Variants in C8orf58 observed in about 807,000 individuals in gnomAD.
The protein encoded by C8orf58 is chromosome 8 open reading frame 58, also known as uncharacterized protein C8orf58.
A neutral mutation model predicts 36.8 loss-of-function variants in C8orf58; 31 were observed. The ratio of observed to expected loss-of-function variants is 0.84; its 90% CI spans 0.63 to 1.14. The LOEUF (loss-of-function observed/expected upper bound fraction) is 1.14, where lower values mean the gene tolerates loss of function less well. Ranked by LOEUF, C8orf58 falls within the 50% of genes most tolerant of loss-of-function variation. The pLI is 0.00. For synonymous variants in C8orf58, 230 were observed against 200.2 expected (o/e 1.15, Z -1.26); for missense variants, 538 against 480.8 (o/e 1.12, Z -1.11).
In C8orf58 at chr8:22,601,146, C is replaced by T. The variant is rs769941496; in HGVS notation, c.305C>T (p.Pro102Leu). 1 of 1,611,032 alleles carries T rather than the reference C, an allele frequency of 6.2e-7. No individual in the cohort carries two copies. Among genetic ancestry groups the T allele is most frequent in the South Asian group, 1.1e-5 (1 of 90,966 alleles). The change falls in exon 2 of 7, where the codon CCC becomes CTC. Residue 102 changes from proline (P) to leucine (L), a missense_variant. Coordinates refer to ENST00000289989, the MANE Select transcript of C8orf58 (RefSeq NM_001013842.3). ...GAATCCTCAGGGAGTTCTGAGCCCC[C>T]CGCCCAGGTAGGCCGACTCCTGGCC... Reference protein sequence around the residue: ...DFESSGSSEPPAQVGRLLASQ... With the variant: ...DFESSGSSEPLAQVGRLLASQ...
chr8:22,600,887 G>C lies in C8orf58; in HGVS notation c.46G>C (p.Ala16Pro). The change falls in exon 2 of 7, where the codon GCT (alanine) becomes CCT (proline). Residue 16 changes from alanine to proline, a missense_variant. By Grantham distance (27) the Ala-to-Pro change is conservative. Coordinates refer to ENST00000289989, the MANE Select transcript of C8orf58 (RefSeq NM_001013842.3). ...RAFAVDGRDG[A>P]GEGLARGCIV... Reference sequence around the variant, plus strand: ...GACGCTGACTCTCCATGCAGATGGGGCTGGCGAGGGCCTGGCACGGGGCTG... The same window carrying C: ...GACGCTGACTCTCCATGCAGATGGGCCTGGCGAGGGCCTGGCACGGGGCTG... 6.2e-7 allele frequency: 1 copy of C among 1,600,012 alleles called. No homozygotes were observed. The highest frequency in any genetic ancestry group is 8.5e-7 in the Non-Finnish European group (1 of 1,174,454).
rs1193048586 is a variant in C8orf58 at position 22,600,984 on chromosome 8, G to A, written c.143G>A (p.Arg48Lys). ...DAAHGCSSWE[R>K]GDKFRGVGRE... The stretch of plus-strand genomic sequence containing the variant: ...GCCCACGGGTGCTCATCCTGGGAGA[G>A]AGGTGACAAGTTCAGAGGTGTCGGC... Residue 48 changes from arginine (R) to lysine (K), a missense_variant, in exon 2 of 7, where the codon AGA (arginine) becomes AAA (lysine). Transcript: ENST00000289989. 2 of 1,612,790 alleles carry A rather than the reference G, an allele frequency of 1.2e-6. No homozygotes were observed. The highest frequency in any genetic ancestry group is 1.1e-5 in the South Asian group (1 of 91,074).
In C8orf58 at chr8:22,600,952, CGA is replaced by C. The variant is rs1305991483; in HGVS notation, c.112_113del (p.Asp38ArgfsTer12). 17 of 1,612,356 alleles carry C rather than the reference CGA, an allele frequency of 1.1e-5. No individual in the cohort carries two copies. Among genetic ancestry groups the C allele is most frequent in the Non-Finnish European group, 1.4e-5 (17 of 1,179,984 alleles). On this transcript the variant is annotated frameshift_variant, in exon 2 of 7. Coordinates refer to ENST00000289989, the MANE Select transcript of C8orf58 (RefSeq NM_001013842.3). LOFTEE classifies it high-confidence loss of function. ...TCACCAGCACCTACAGACGGATCCC[CGA>C]CGCTGCCCACGGGTGCTCATCCTGG... Reference protein sequence around the residue: ...GVTSTYRRIPDAAHGCSSWER... With the variant: ...GVTSTYRRIPXAAHGCSSWER...
At chr8:22,601,659 T>C in intron 2 of C8orf58, 53 bp from the exon 3 acceptor site, 2 of 1,547,010 alleles carry the variant, frequency 1.3e-6, no homozygotes, top group Non-Finnish European at 1.7e-6. Context: ...CTGCTTAGGG[T>C]AGGGCAGGAG....
At chr8:22,602,695 C>A in intron 6 of C8orf58, 52 bp downstream of exon 6, 2 of 1,155,838 alleles carry the variant, frequency 1.7e-6, no homozygotes, top group Non-Finnish European at 1.2e-6. Context: ...ACTGATAAGC[C>A]AGGATGCTGA....
At position 22,601,279 on chromosome 8, in the gene C8orf58, T is replaced by C. The variant is rs113046479; in HGVS notation, c.438T>C (p.Arg146=). ...RSLRLASKPE[R]EVPLGAGQQE... ...TGCGGCTGGCAAGCAAGCCTGAGCG[T>C]GAAGTGCCCCTTGGAGCAGGGCAAC... Residue 146 remains arginine, a synonymous_variant, in exon 2 of 7, where the codon CGT becomes CGC. Coordinates refer to ENST00000289989, the MANE Select transcript of C8orf58 (RefSeq NM_001013842.3). The C allele has an allele frequency of 1.6e-3, 2,577 of 1,609,638 alleles. 36 individuals carry two copies. The African/African-American group carries it at 0.031, about 19-fold the overall frequency.
At position 22,601,287 on chromosome 8, in the gene C8orf58, C is replaced by T; in HGVS notation, c.446C>T (p.Pro149Leu). The part of the protein sequence containing the change: ...RLASKPEREV[P>L]LGAGQQESME... ...GCAAGCAAGCCTGAGCGTGAAGTGC[C>T]CCTTGGAGCAGGGCAACAGGAGTCC... The change falls in exon 2 of 7, where the codon CCC (proline) becomes CTC (leucine). Residue 149 changes from proline to leucine, a missense_variant. Coordinates refer to ENST00000289989, the MANE Select transcript of C8orf58 (RefSeq NM_001013842.3). 1 of 1,608,670 alleles carries T rather than the reference C, an allele frequency of 6.2e-7. No homozygotes were observed. Among genetic ancestry groups the T allele is most frequent in the Non-Finnish European group, 8.5e-7 (1 of 1,177,166 alleles).
At chr8:22,603,123 T>G in intron 6 of C8orf58, 72 bp from the exon 7 acceptor site, 1 of 1,174,304 alleles carries the variant, frequency 8.5e-7, no homozygotes, top group Non-Finnish European at 1.3e-6. Flanking sequence ...ATAAACCACG[T>G]TCTCTCAACT....
In C8orf58 at chr8:22,602,252, C is replaced by A. The variant is rs757284799; in HGVS notation, c.819C>A (p.Pro273=). 3 of 1,608,348 alleles carry A rather than the reference C, an allele frequency of 1.9e-6. No individual in the cohort carries two copies. The African/African-American group carries it at 4.0e-5, about 22-fold the overall frequency. ...TGGAGGTGCCCAGTGCCAACCCTCC[C>A]AGGCTGCCAGAAACCCCAGTGGAGC... is the stretch of plus-strand genomic sequence containing the variant. ...PKVEVPSANP[P]RLPETPVEPT... The change falls in exon 5 of 7, where the codon CCC becomes CCA. Residue 273 remains proline (P), a synonymous_variant. Transcript: ENST00000289989.
In C8orf58 at chr8:22,601,156, A is replaced by G. The variant is rs774763849; in HGVS notation, c.315A>G (p.Val105=). Residue 105 remains valine, a synonymous_variant, in exon 2 of 7, where the codon GTA becomes GTG. Coordinates refer to ENST00000289989, the MANE Select transcript of C8orf58 (RefSeq NM_001013842.3). ...GGAGTTCTGAGCCCCCCGCCCAGGT[A>G]GGCCGACTCCTGGCCAGCCAGAAGC... ...SSGSSEPPAQ[V]GRLLASQKLG... is the part of the protein sequence containing the mutation. 2.5e-6 allele frequency: 4 copies of G among 1,610,722 alleles called. No individual in the cohort carries two copies. The highest frequency in any genetic ancestry group is 1.9e-4 in the Middle Eastern group (1 of 5,214).
chr8:22,601,577 T>C (rs1187854164), intron 2 of C8orf58, 135 bp from the exon 3 acceptor site: 3 of 1,164,202 alleles, frequency 2.6e-6, no homozygotes, highest in Non-Finnish European at 3.7e-6. Context: ...CGCTGGGCAG[T>C]GGGGAAGCCG....
At chr8:22,601,612 C>T in intron 2 of C8orf58, 100 bp from the exon 3 acceptor site, 1 of 1,377,360 alleles carries the variant, frequency 7.3e-7, no homozygotes, top group Non-Finnish European at 9.9e-7. Context: ...TCCTCGGGGC[C>T]CACTCTGCTC....
intron 6 of C8orf58, chr8:22,602,892 G>T: frequency 1.7e-6 from 1 of 581,122 alleles, no homozygotes; most frequent in East Asian, 2.8e-5. Flanking sequence ...ACCAGAATGT[G>T]GGAAATCTGC....
Position 22,603,229 on chromosome 8 carries a change from T to G in C8orf58, c.1021T>G (p.Cys341Gly). ...CAGGGACCTCCCTGAAAGGCCTCAG[T>G]GCCGCCCCCACCGGAAGACCTTTAT... ...ESRDLPERPQ[C>G]RPHRKTFMPS... Residue 341 changes from cysteine to glycine, a missense_variant, in exon 7 of 7, where the codon TGC becomes GGC. Physicochemically the swap from Cys to Gly is radical, Grantham distance 159 (BLOSUM62 -3). Coordinates refer to ENST00000289989, the MANE Select transcript of C8orf58 (RefSeq NM_001013842.3). 6.2e-7 allele frequency: 1 copy of G among 1,613,996 alleles called. No homozygotes were observed. The highest frequency in any genetic ancestry group is 2.2e-5 in the East Asian group (1 of 44,884).
At chr8:22,602,164 C>G in intron 4 of C8orf58, 36 bp from the exon 5 acceptor site, 1 of 1,565,578 alleles carries the variant, frequency 6.4e-7, no homozygotes, top group Non-Finnish European at 8.7e-7. Flanking sequence ...GATGGGGTGT[C>G]TTCTGGCCCT....
In C8orf58 at chr8:22,601,970, A is replaced by T. The variant is rs748084854; in HGVS notation, c.658-2A>T. 1 of 1,551,934 alleles carries T rather than the reference A, an allele frequency of 6.4e-7. No homozygotes were observed. The highest frequency in any genetic ancestry group is 8.7e-7 in the Non-Finnish European group (1 of 1,145,610). On this transcript the variant is annotated splice_acceptor_variant, in intron 3 of 6. Transcript: ENST00000289989. LOFTEE classifies it high-confidence loss of function. ...CTGATCACCTGTCTCTCCTGTGCAT[A>T]GGATCCCGGCGAGGAGGAGTCGACC...
intron 6 of C8orf58, 81 bp downstream of exon 6, chr8:22,602,724 CATT>C (rs1800905476): frequency 1.1e-6 from 1 of 948,536 alleles, no homozygotes; most frequent in Non-Finnish European, 1.6e-6. Context: ...TGCCAGTTGT[CATT>C]ATTGTCCCCG....
chr8:22,603,457 C>CAA lies in C8orf58; in HGVS notation c.*151_*152insAA, dbSNP rs774308862. 1 of 700,102 alleles carries CAA rather than the reference C, an allele frequency of 1.4e-6. No homozygotes were observed. The highest frequency in any genetic ancestry group is 1.5e-5 in the South Asian group (1 of 66,778). 43.4% of individuals were successfully genotyped at this position (700,102 alleles called of 1,614,324 possible). ...GAGTCGAGGGCTGAATCTTTCTCCT[C>CAA]TAAGCAGTCTGGTCAGGAACCTTGG... On this transcript the variant is annotated 3_prime_UTR_variant, in exon 7 of 7. Coordinates refer to ENST00000289989, the MANE Select transcript of C8orf58 (RefSeq NM_001013842.3).
At position 22,601,964 on chromosome 8, in the gene C8orf58, G is replaced by A; in HGVS notation, c.658-8G>A. 6.4e-7 allele frequency: 1 copy of A among 1,551,988 alleles called. No homozygotes were observed. Among genetic ancestry groups the A allele is most frequent in the Non-Finnish European group, 8.7e-7 (1 of 1,145,760 alleles). On this transcript the variant is annotated splice_region_variant and splice_polypyrimidine_tract_variant and intron_variant, in intron 3 of 6. Coordinates refer to ENST00000289989, the MANE Select transcript of C8orf58 (RefSeq NM_001013842.3). ...CAGGCCCTGATCACCTGTCTCTCCT[G>A]TGCATAGGATCCCGGCGAGGAGGAG...
Sources: allele counts gnomAD v4.1 joint callset, GRCh38; gene constraint gnomAD v4.1.1; transcripts MANE v1.5; gene names NCBI Gene and HGNC (gene_info 2026-07-23, HGNC 2026-07-21).